Variants in RAPGEF2 observed in about 807,000 individuals in gnomAD.
RAPGEF2 encodes the protein PDZ domain containing guanine nucleotide exchange factor (GEF) 1.
RAPGEF2 carries 54 observed loss-of-function variants against 186.7 expected under a neutral mutation model. The observed-to-expected ratio is 0.29, with a 90% confidence interval of 0.23 to 0.36. The LOEUF (loss-of-function observed/expected upper bound fraction) is 0.36, where lower values mean the gene tolerates loss of function less well. RAPGEF2 is among the 10% of genes least tolerant of loss of function. The probability of loss-of-function intolerance (pLI) is 1.00; values close to 1 mark genes in which losing one functional copy is unlikely to be tolerated. For missense variants in RAPGEF2, 1,532 were observed against 2,045.0 expected (o/e 0.75, Z 4.84); for synonymous variants, 712 against 705.9 (o/e 1.01, Z -0.14).
In RAPGEF2 at chr4:159,145,127, C is replaced by T. The variant is rs911436837; in HGVS notation, c.69+40896C>T. ...AACTCCTAGGCTCAAGTGATCTGCC[C>T]GCCTCAGCTTCCCAAAATGCTGGGA... On this transcript the variant is annotated intron_variant, in intron 1 of 29. Coordinates refer to ENST00000691494, the MANE Select transcript of RAPGEF2 (RefSeq NM_001394067.2). 2.6e-5 allele frequency among the ~76,000 whole-genome samples: 4 copies of T among 151,860 alleles called. No homozygotes were observed. In the East Asian group the frequency reaches 5.8e-4, roughly 22 times the overall value.
At chr4:159,243,517 G>A (rs1754260387) in intron 6 of RAPGEF2, among the ~76,000 whole-genome samples, 1 of 151,958 alleles carries the variant, frequency 6.6e-6, no homozygotes, top group South Asian at 2.1e-4. Flanking sequence ...TTGGCTAATA[G>A]TGAAGGACTG....
chr4:159,222,716 A>G (rs1751655942), intron 4 of RAPGEF2, among the ~76,000 whole-genome samples: 1 of 152,178 alleles, frequency 6.6e-6, no homozygotes. Flanking sequence ...TTAAAATAAC[A>G]TAGCAGCTAA....
At chr4:159,174,922 A>G (rs962155120) in intron 1 of RAPGEF2, among the ~76,000 whole-genome samples, 6 of 151,924 alleles carry the variant, frequency 3.9e-5, no homozygotes, top group African/African-American at 1.5e-4. Context: ...ACACCTGGCT[A>G]ATTTTGTTTT....
chr4:159,140,901 AG>A (rs1484967296), intron 1 of RAPGEF2, among the ~76,000 whole-genome samples: 7 of 151,146 alleles, frequency 4.6e-5, no homozygotes. Flanking sequence ...GCGCGATCTC[AG>A]CTCACTGCAA....
intron 4 of RAPGEF2, among the ~76,000 whole-genome samples, chr4:159,225,581 A>G (rs1195952040): frequency 6.6e-6 from 1 of 152,208 alleles, no homozygotes; most frequent in Non-Finnish European, 1.5e-5. Context: ...CACAGTGGCT[A>G]TAACATTTTT....
intron 4 of RAPGEF2, among the ~76,000 whole-genome samples, chr4:159,213,336 T>G (rs1226145245): frequency 6.6e-6 from 1 of 152,238 alleles, no homozygotes; most frequent in African/African-American, 2.4e-5. Flanking sequence ...ACAGTCCAGT[T>G]TATAAAACAA....
intron 7 of RAPGEF2, among the ~76,000 whole-genome samples, chr4:159,247,698 T>C (rs1754797606): frequency 6.6e-6 from 1 of 150,442 alleles, no homozygotes. Context: ...GGAGTAAGAA[T>C]GAAAGGTGAG....
At chr4:159,259,011 T>A (rs548023085) in intron 7 of RAPGEF2, among the ~76,000 whole-genome samples, 9 of 152,194 alleles carry the variant, frequency 5.9e-5, no homozygotes, top group Non-Finnish European at 1.3e-4. Context: ...GTCTGCTAGA[T>A]GTTTACTGAT....
chr4:159,286,341 A>T (rs1760490640), intron 7 of RAPGEF2, among the ~76,000 whole-genome samples: 1 of 152,036 alleles, frequency 6.6e-6, no homozygotes, highest in South Asian at 2.1e-4. Flanking sequence ...CCATCGTCTC[A>T]CTTGTACCAT....
At chr4:159,303,202 T>A (rs551154895) in intron 7 of RAPGEF2, among the ~76,000 whole-genome samples, 2 of 152,306 alleles carry the variant, frequency 1.3e-5, no homozygotes, top group African/African-American at 4.8e-5. Context: ...CCATTGATCA[T>A]TGTCGTAAAT....
Position 159,342,881 on chromosome 4 carries a change from G to A in RAPGEF2, c.2919-98G>A, listed in dbSNP as rs1729755831. 5 of 1,011,944 alleles carry A rather than the reference G, an allele frequency of 4.9e-6. No homozygotes were observed. In the South Asian group the frequency reaches 8.1e-5, roughly 16 times the overall value. 62.7% of individuals were successfully genotyped at this position (1,011,944 alleles called of 1,614,324 possible). ...TATGCAGCCTTCTGTAAATTGTTAT[G>A]CATATAAAGCATAAACATAGAGATG... On this transcript the variant is annotated intron_variant, in intron 20 of 29. Transcript: ENST00000691494.
chr4:159,328,077 T>C (rs1351528550), intron 11 of RAPGEF2: 1 of 152,114 alleles, frequency 6.6e-6, no homozygotes, highest in African/African-American at 2.4e-5. Context: ...AGAAGATAAA[T>C]GAGAAAATGA....
chr4:159,103,589 G>T lies in RAPGEF2; in HGVS notation c.-574G>T. 1 of 153,238 alleles carries T rather than the reference G, an allele frequency of 6.5e-6. No homozygotes were observed. The highest frequency in any genetic ancestry group is 1.9e-4 in the South Asian group (1 of 5,350). The allele number at this position is 153,238 out of a possible 1,614,324, so 9.5% of individuals were successfully genotyped here. A position where few individuals can be genotyped will look rare whatever the true frequency, so the allele number is the denominator to read the frequency against. Reference sequence around the variant, plus strand: ...CCAGACCCACCTGGTCCGTCCTCCCGACCGGCGGCCGAGGCGCCCGAGGAC... The same window carrying T: ...CCAGACCCACCTGGTCCGTCCTCCCTACCGGCGGCCGAGGCGCCCGAGGAC... On this transcript the variant is annotated 5_prime_UTR_variant, in exon 1 of 30. Coordinates refer to ENST00000691494, the MANE Select transcript of RAPGEF2 (RefSeq NM_001394067.2).
chr4:159,200,718 ATTG>A (rs1219544788), intron 3 of RAPGEF2, among the ~76,000 whole-genome samples: 2 of 152,076 alleles, frequency 1.3e-5, no homozygotes, highest in Non-Finnish European at 2.9e-5. Flanking sequence ...ATGAATTGCT[ATTG>A]TTTGGAAAAT....
intron 1 of RAPGEF2, among the ~76,000 whole-genome samples, chr4:159,178,690 T>C (rs1352781674): frequency 7.3e-5 from 11 of 151,030 alleles, no homozygotes; most frequent in Non-Finnish European, 1.5e-5. Flanking sequence ...CCCAAGTAGC[T>C]GGGCTTACAG....
chr4:159,348,764 C>A (rs1242858938), intron 25 of RAPGEF2, among the ~76,000 whole-genome samples: 1 of 152,066 alleles, frequency 6.6e-6, no homozygotes, highest in African/African-American at 2.4e-5. Flanking sequence ...GAAGCCATAG[C>A]TCTCAAAATG....
rs1448944730 is a variant in RAPGEF2 at position 159,115,884 on chromosome 4, A to G, written c.69+11653A>G. Among the ~76,000 whole-genome samples the G allele has an allele frequency of 3.9e-5, 6 of 152,326 alleles. No homozygotes were observed. In the East Asian group the frequency reaches 1.2e-3, roughly 29 times the overall value. On this transcript the variant is annotated intron_variant, in intron 1 of 29. Coordinates refer to ENST00000691494, the MANE Select transcript of RAPGEF2 (RefSeq NM_001394067.2). ...GGTGCTGGGAAAACTGGCTAGCCATATGCAGAAAATTGAAACTGGGCACCT... is the reference window on the plus strand; with the variant it reads ...GGTGCTGGGAAAACTGGCTAGCCATGTGCAGAAAATTGAAACTGGGCACCT...
chr4:159,225,593 AT>A (rs1213518107), intron 4 of RAPGEF2, among the ~76,000 whole-genome samples: 1 of 152,182 alleles, frequency 6.6e-6, no homozygotes, highest in Non-Finnish European at 1.5e-5. Flanking sequence ...AACATTTTTT[AT>A]TCACACTAGC....
At position 159,359,736 on chromosome 4, in the gene RAPGEF2, AT is replaced by A. The variant is rs1336635509; in HGVS notation, c.*1599del. On this transcript the variant is annotated 3_prime_UTR_variant, in exon 30 of 30. Coordinates refer to ENST00000691494, the MANE Select transcript of RAPGEF2 (RefSeq NM_001394067.2). ...TGGCATTTGTCTACTTGCTTATTAC[AT>A]TGTCAATTATGCATTTGTAATTTTA... 6.6e-6 allele frequency: 1 copy of A among 152,184 alleles called. No individual in the cohort carries two copies. Among genetic ancestry groups the A allele is most frequent in the African/African-American group, 2.4e-5 (1 of 41,448 alleles). The allele number at this position is 152,184 out of a possible 1,614,324, so 9.4% of individuals were successfully genotyped here.
Sources: gnomAD v4.1 joint callset for allele counts (sites outside exome capture counted in the v4.1 genomes callset) on GRCh38, gnomAD v4.1.1 for gene constraint, MANE v1.5 for transcripts, NCBI Gene and HGNC (gene_info 2026-07-23, HGNC 2026-07-21) for gene names.